Variants in GPR160 observed in about 807,000 individuals in gnomAD.
The protein encoded by GPR160 is probable G protein-coupled receptor 160.
In GPR160, 2 loss-of-function variants were observed where a neutral mutation model predicts 2.6. That is an observed-to-expected ratio of 0.77 (90% CI 0.32 to 2.44). GPR160 has a LOEUF of 2.44. GPR160 is among the 30% of genes most tolerant of loss of function. GPR160 has a pLI of 0.11. For synonymous variants in GPR160, 130 were observed against 132.2 expected, an observed-to-expected ratio of 0.98 and a Z score of 0.12; for missense variants, 351 against 383.6, an observed-to-expected ratio of 0.91 and a Z score of 0.71.
At chr3:170,059,658 A>G (rs1033099750) in intron 2 of GPR160, among the ~76,000 whole-genome samples, 3 of 151,880 alleles carry the variant, frequency 2.0e-5, no homozygotes, top group African/African-American at 7.3e-5. Context: ...CTAATTTGCT[A>G]TTAGTGTGGC....
chr3:170,060,483 C>A (rs1197858948), intron 2 of GPR160, among the ~76,000 whole-genome samples: 1 of 152,150 alleles, frequency 6.6e-6, no homozygotes, highest in South Asian at 2.1e-4. Context: ...GTAAAATGGA[C>A]GAGGCGAGGT....
intron 2 of GPR160, among the ~76,000 whole-genome samples, chr3:170,076,632 G>A (rs1158980336): frequency 6.6e-6 from 1 of 151,422 alleles, no homozygotes; most frequent in Admixed American, 6.6e-5. Flanking sequence ...CAACCTCCCC[G>A]TCCTAGGTCC....
At chr3:170,069,895 CA>C (rs1712510698) in intron 2 of GPR160, among the ~76,000 whole-genome samples, 1 of 152,028 alleles carries the variant, frequency 6.6e-6, no homozygotes, top group African/African-American at 2.4e-5. Flanking sequence ...CGAGGTGTCC[CA>C]GGGGCGGTTT....
intron 2 of GPR160, among the ~76,000 whole-genome samples, chr3:170,051,479 C>T (rs1716955756): frequency 6.6e-6 from 1 of 152,178 alleles, no homozygotes; most frequent in South Asian, 2.1e-4. Context: ...AATCTCAGCA[C>T]TTTGGGAGGC....
At chr3:170,049,036 C>T (rs571415744) in intron 2 of GPR160, among the ~76,000 whole-genome samples, 147 of 152,314 alleles carry the variant, frequency 9.7e-4, no homozygotes, top group African/African-American at 3.1e-3. Flanking sequence ...TTTCCTATTT[C>T]CCTGATACTG....
At chr3:170,062,153 C>G (rs1484959389) in intron 2 of GPR160, 1 of 153,352 alleles carries the variant, frequency 6.5e-6, no homozygotes, top group Admixed American at 6.5e-5. Flanking sequence ...CCCTACTGGG[C>G]CTAGCGGCAG....
intron 2 of GPR160, chr3:170,062,352 G>A (rs975391133): frequency 2.4e-5 from 7 of 287,544 alleles, no homozygotes; most frequent in African/African-American, 6.7e-5. Flanking sequence ...GCGCTGCACC[G>A]ACGTTGGGGA....
At chr3:170,054,268 AAAG>A (rs1711527858) in intron 2 of GPR160, among the ~76,000 whole-genome samples, 1 of 152,132 alleles carries the variant, frequency 6.6e-6, no homozygotes, top group Non-Finnish European at 1.5e-5. Flanking sequence ...TGAGTATAAG[AAAG>A]AAGACCATCC....
intron 2 of GPR160, among the ~76,000 whole-genome samples, chr3:170,044,951 C>G (rs1418707033): frequency 2.0e-5 from 3 of 152,150 alleles, no homozygotes; most frequent in Non-Finnish European, 2.9e-5. Flanking sequence ...GGCTTAATTT[C>G]CTTGCCTTGA....
intron 2 of GPR160, among the ~76,000 whole-genome samples, chr3:170,046,205 GA>G (rs2108310650): frequency 6.6e-6 from 1 of 152,314 alleles, no homozygotes; most frequent in East Asian, 1.9e-4. Context: ...TGGCCTTAGG[GA>G]AATGTTCTCC....
intron 2 of GPR160, among the ~76,000 whole-genome samples, chr3:170,065,508 C>A (rs1712278736): frequency 2.0e-5 from 3 of 152,222 alleles, no homozygotes; most frequent in African/African-American, 7.2e-5. Context: ...ATTTCCTGGA[C>A]CGCATGTATT....
chr3:170,048,471 T>C (rs9861949), intron 2 of GPR160, among the ~76,000 whole-genome samples: 7,194 of 152,308 alleles, frequency 0.047, 525 homozygotes, highest in African/African-American at 0.16. Flanking sequence ...TAAATGTTTT[T>C]AATGACTGCA....
At chr3:170,043,103 G>A (rs1413964563) in intron 2 of GPR160, among the ~76,000 whole-genome samples, 2 of 151,970 alleles carry the variant, frequency 1.3e-5, no homozygotes, top group African/African-American at 2.4e-5. Context: ...GGATGGTCTC[G>A]ATCTACTGAC....
At chr3:170,078,836 G>C (rs1712991428) in intron 2 of GPR160, among the ~76,000 whole-genome samples, 2 of 152,190 alleles carry the variant, frequency 1.3e-5, no homozygotes, top group African/African-American at 4.8e-5. Flanking sequence ...GGGAGATGTA[G>C]ATCAGTCAGA....
At chr3:170,078,813 T>G (rs1230240876) in intron 2 of GPR160, among the ~76,000 whole-genome samples, 1 of 151,578 alleles carries the variant, frequency 6.6e-6, no homozygotes, top group Non-Finnish European at 1.5e-5. Context: ...CAAAACCTGA[T>G]GCAAAAAAAA....
intron 2 of GPR160, among the ~76,000 whole-genome samples, chr3:170,040,947 A>T (rs1716417940): frequency 6.6e-6 from 1 of 152,140 alleles, no homozygotes; most frequent in African/African-American, 2.4e-5. Context: ...TGCTTGAAAG[A>T]GGGTAAGGAA....
intron 2 of GPR160, among the ~76,000 whole-genome samples, chr3:170,045,213 T>C (rs1716655139): frequency 6.6e-6 from 1 of 151,758 alleles, no homozygotes; most frequent in African/African-American, 2.4e-5. Flanking sequence ...TAGGTGTGTG[T>C]GTAAACGGAC....
At chr3:170,072,973 G>A (rs1055238494) in intron 2 of GPR160, among the ~76,000 whole-genome samples, 3 of 152,158 alleles carry the variant, frequency 2.0e-5, no homozygotes, top group Non-Finnish European at 4.4e-5. Flanking sequence ...CTTGAAGCCA[G>A]GAGTTTGAGA....
chr3:170,083,551 T>C (rs973616155), intron 3 of GPR160: 3 of 153,068 alleles, frequency 2.0e-5, no homozygotes, highest in Non-Finnish European at 2.9e-5. Flanking sequence ...TGTGGTTGTT[T>C]TGCATATTAC....
Sources: gnomAD v4.1 joint callset for allele counts (sites outside exome capture counted in the v4.1 genomes callset) on GRCh38, gnomAD v4.1.1 for gene constraint, MANE v1.5 for transcripts, NCBI Gene and HGNC (gene_info 2026-07-23, HGNC 2026-07-21) for gene names.